SLC39A5: variants seen among roughly 807,000 people sequenced by gnomAD.
SLC39A5 encodes solute carrier family 39 member 5, also known as zinc transporter ZIP5.
In SLC39A5, 42 loss-of-function variants were observed where a neutral mutation model predicts 46.9. That is an observed-to-expected ratio of 0.90 (90% confidence interval 0.70 to 1.16). SLC39A5 has a LOEUF of 1.16. Ranked by LOEUF, SLC39A5 falls within the 50% of genes most tolerant of loss-of-function variation. SLC39A5 has a pLI of 0.00. For synonymous variants in SLC39A5, 311 were observed against 323.1 expected (o/e 0.96, Z 0.40); for missense variants, 677 against 686.8 (o/e 0.99, Z 0.16).
At position 56,235,577 on chromosome 12, in the gene SLC39A5, C is replaced by G. The variant is rs199552441; in HGVS notation, c.822C>G (p.His274Gln). 120 of 1,614,060 alleles carry G rather than the reference C, an allele frequency of 7.4e-5. 1 individual carries two copies. The Middle Eastern group carries it at 9.9e-4, about 13-fold the overall frequency. Residue 274 changes from histidine (H) to glutamine (Q), a missense_variant, in exon 8 of 13, where the codon CAC (histidine) becomes CAG (glutamine). Physicochemically the swap from His to Gln is conservative, Grantham distance 24. Transcript: ENST00000454355. ...TCTGTCAGGCACAAGAAGGGCGGCA[C>G]GCAGGACCTGGCGGACTACCAGAGA... ...HLLPHAQEGR[H>Q]AGPGGLPEKD... is the part of the protein sequence containing the mutation.
At position 56,236,641 on chromosome 12, in the gene SLC39A5, C is replaced by G; in HGVS notation, c.1102C>G (p.Pro368Ala). ...CCAGCACCCACCAGCTCTGGCCCCT[C>G]CTGGGCACCAAGGCCACAGTCATGG... ...NSQHPPALAP[P>A]GHQGHSHGHQ... is the part of the protein sequence containing the mutation. Residue 368 changes from proline to alanine, a missense_variant, in exon 10 of 13, where the codon CCT (proline) becomes GCT (alanine). By Grantham distance (27) the Pro-to-Ala change is conservative (BLOSUM62 -1). Coordinates refer to ENST00000454355, the MANE Select transcript of SLC39A5 (RefSeq NM_173596.3). The G allele has an allele frequency of 6.2e-7, 1 of 1,613,738 alleles. No individual in the cohort carries two copies. Among genetic ancestry groups the G allele is most frequent in the Non-Finnish European group, 8.5e-7 (1 of 1,179,730 alleles).
intron 8 of SLC39A5, chr12:56,235,939 A>G: frequency 5.8e-6 from 3 of 521,016 alleles, no homozygotes; most frequent in Non-Finnish European, 1.0e-5. Flanking sequence ...GCTACTCAGG[A>G]GGCTGAGGCA....
chr12:56,235,899 T>G (rs930691723), intron 8 of SLC39A5, 199 bp downstream of exon 8: 24 of 615,286 alleles, frequency 3.9e-5, no homozygotes, highest in Non-Finnish European at 8.3e-6. Context: ...AAAAATTAGC[T>G]GGGCGTGGTG....
intron 4 of SLC39A5, 50 bp from the exon 5 acceptor site, chr12:56,232,639 G>A (rs1870335161): frequency 5.3e-6 from 8 of 1,519,658 alleles, no homozygotes; most frequent in Non-Finnish European, 8.8e-7. Context: ...TCTCAAAGCG[G>A]GTTGATAGAG....
chr12:56,230,999 T>C (rs1365496398), intron 3 of SLC39A5, 126 bp downstream of exon 3: 1 of 445,724 alleles, frequency 2.2e-6, no homozygotes, highest in East Asian at 3.6e-5. Context: ...GGATGAAGTA[T>C]GAGGAGAGCT....
chr12:56,236,139 C>A (rs1343177634), intron 8 of SLC39A5, among the ~76,000 whole-genome samples: 1 of 152,192 alleles, frequency 6.6e-6, no homozygotes, highest in South Asian at 2.1e-4. Context: ...GTGTGCAGGA[C>A]CTATCGGCTA....
At chr12:56,233,808 AACATCG>A (rs1180672765) in intron 5 of SLC39A5, among the ~76,000 whole-genome samples, 1 of 152,240 alleles carries the variant, frequency 6.6e-6, no homozygotes, top group East Asian at 1.9e-4. Context: ...AGGCTGGATG[AACATCG>A]ACAGGGCTGT....
At chr12:56,231,705 A>T in intron 4 of SLC39A5, 144 bp downstream of exon 4, 2 of 776,522 alleles carry the variant, frequency 2.6e-6, no homozygotes, top group Non-Finnish European at 3.8e-6. Context: ...TCTCTTCAAA[A>T]CCTCTCATGC....
chr12:56,231,268 C>T lies in SLC39A5; in HGVS notation c.-7C>T. On this transcript the variant is annotated 5_prime_UTR_variant, in exon 4 of 13. Coordinates refer to ENST00000454355, the MANE Select transcript of SLC39A5 (RefSeq NM_173596.3). Reference sequence around the variant, plus strand: ...GAACCTGAGCCCCTAAGCTATTCCCCTCACCAATGATGGGGTCCCCAGTGA... The same window carrying T: ...GAACCTGAGCCCCTAAGCTATTCCCTTCACCAATGATGGGGTCCCCAGTGA... 3.8e-6 allele frequency: 6 copies of T among 1,595,332 alleles called. No homozygotes were observed. Among genetic ancestry groups the T allele is most frequent in the Non-Finnish European group, 5.1e-6 (6 of 1,169,760 alleles).
chr12:56,232,955 T>G, intron 5 of SLC39A5, 83 bp downstream of exon 5: 1 of 1,443,590 alleles, frequency 6.9e-7, no homozygotes, highest in Non-Finnish European at 9.4e-7. Flanking sequence ...TTTTTTGTTT[T>G]GTTTTGTTTT....
chr12:56,232,687 A>G lies in SLC39A5; in HGVS notation c.288-2A>G, dbSNP rs1392557894. ...GCTGACTTGCTGTCTCATCCATTCC[A>G]GGCCACAGAACCCTGAGCTGAGTGT... On this transcript the variant is annotated splice_acceptor_variant, in intron 4 of 12. Coordinates refer to ENST00000454355, the MANE Select transcript of SLC39A5 (RefSeq NM_173596.3). LOFTEE classifies it high-confidence loss of function. 2 of 1,593,998 alleles carry G rather than the reference A, an allele frequency of 1.3e-6. No individual in the cohort carries two copies. The highest frequency in any genetic ancestry group is 1.8e-5 in the Admixed American group (1 of 55,446).
At chr12:56,231,093 G>GT in intron 3 of SLC39A5, 111 bp from the exon 4 acceptor site, 1 of 610,298 alleles carries the variant, frequency 1.6e-6, no homozygotes, top group South Asian at 2.3e-5. Context: ...GAAGGCTGCA[G>GT]TAGGGGCTGC....
Position 56,237,756 on chromosome 12 carries a change from T to C in SLC39A5, c.*25T>C. 6.6e-7 allele frequency: 1 copy of C among 1,509,078 alleles called. No homozygotes were observed. Among genetic ancestry groups the C allele is most frequent in the Non-Finnish European group, 8.8e-7 (1 of 1,131,282 alleles). 93.5% of individuals were successfully genotyped at this position (1,509,078 alleles called of 1,614,324 possible). On this transcript the variant is annotated 3_prime_UTR_variant, in exon 13 of 13. Coordinates refer to ENST00000454355, the MANE Select transcript of SLC39A5 (RefSeq NM_173596.3). ...ATGGGGCCAGTGGAAAGGGGTCGGGTTGCCCTTCCTTCCCCCCAACCACAG... is the reference window on the plus strand; with the variant it reads ...ATGGGGCCAGTGGAAAGGGGTCGGGCTGCCCTTCCTTCCCCCCAACCACAG...
At position 56,235,280 on chromosome 12, in the gene SLC39A5, C is replaced by T. The variant is rs151172329; in HGVS notation, c.758C>T (p.Ala253Val). 107 of 1,554,910 alleles carry T rather than the reference C, an allele frequency of 6.9e-5. No individual in the cohort carries two copies. Among genetic ancestry groups the T allele is most frequent in the Middle Eastern group, 5.2e-4 (3 of 5,788 alleles). The part of the protein sequence containing the change: ...RPLLGFLGAL[A>V]VGTLCGDALL... ...TTGCTGGGCTTCCTGGGGGCCCTGG[C>T]GGTGGGCACTCTTTGTGGGGATGCA... Residue 253 changes from alanine to valine, a missense_variant, in exon 7 of 13, where the codon GCG becomes GTG. By Grantham distance (64) the Ala-to-Val change is moderately conservative. Transcript: ENST00000454355.
rs199984452 is a variant in SLC39A5, at chr12:56,236,528, A to G, written c.1042+36A>G. 1.3e-3 allele frequency: 2,082 copies of G among 1,614,204 alleles called. 5 individuals carry two copies. Among genetic ancestry groups the G allele is most frequent in the Non-Finnish European group, 1.6e-3 (1,944 of 1,180,028 alleles). ...GAGAAAATTTGAAGAGTAGGTTCCA[A>G]GCTCACAGTCCTTACTTGCAGCCAC... On this transcript the variant is annotated intron_variant, in intron 9 of 12. Coordinates refer to ENST00000454355, the MANE Select transcript of SLC39A5 (RefSeq NM_173596.3).
rs374727410 is a variant in SLC39A5 at position 56,236,693 on chromosome 12, G to A, written c.1154G>A (p.Trp385Ter). The stretch of plus-strand genomic sequence containing the variant: ...CACCAGGGTGGCACTGATATCACGT[G>A]GATGGTCCTCCTGGGAGATGGTCTA... ...HGHQGGTDIT[W>*]MVLLGDGLHN... The change falls in exon 10 of 13, where the codon TGG becomes TAG. Residue 385 changes from tryptophan (W) to a stop codon, truncating the protein, a stop_gained. Transcript: ENST00000454355. LOFTEE classifies it high-confidence loss of function. The A allele has an allele frequency of 6.2e-7, 1 of 1,612,860 alleles. No individual in the cohort carries two copies. Among genetic ancestry groups the A allele is most frequent in the Non-Finnish European group, 8.5e-7 (1 of 1,179,184 alleles).
intron 4 of SLC39A5, 38 bp downstream of exon 4, chr12:56,231,599 C>T: frequency 6.7e-7 from 1 of 1,501,166 alleles, no homozygotes; most frequent in Non-Finnish European, 8.9e-7. Context: ...GGCCACATCT[C>T]CCAGGTCCTC....
chr12:56,237,192 G>A lies in SLC39A5; in HGVS notation c.1331G>A (p.Arg444Gln), dbSNP rs199870707. The A allele has an allele frequency of 3.0e-5, 49 of 1,613,786 alleles. No homozygotes were observed. In the African/African-American group the frequency reaches 3.9e-4, roughly 13 times the overall value. Residue 444 changes from arginine (R) to glutamine (Q), a missense_variant, in exon 12 of 13, where the codon CGG becomes CAG. Coordinates refer to ENST00000454355, the MANE Select transcript of SLC39A5 (RefSeq NM_173596.3). ...CTCCAGTCAGGGCTGTCCTTTCGGC[G>A]GCTGCTGCTGCTGAGCCTCGTGTCT... ...MLLQSGLSFRRLLLLSLVSGA... is the reference protein window; with the variant it reads ...MLLQSGLSFRQLLLLSLVSGA...
chr12:56,237,022 C>T lies in SLC39A5; in HGVS notation c.1288+11C>T, dbSNP rs1206306928. On this transcript the variant is annotated intron_variant, in intron 11 of 12. Coordinates refer to ENST00000454355, the MANE Select transcript of SLC39A5 (RefSeq NM_173596.3). ...TGCCCCACGAACTGGGTAGGAATGGCAGGAGCAGGGTGGGGTGGACTCCAG... is the reference window on the plus strand; with the variant it reads ...TGCCCCACGAACTGGGTAGGAATGGTAGGAGCAGGGTGGGGTGGACTCCAG... 3 of 1,613,860 alleles carry T rather than the reference C, an allele frequency of 1.9e-6. No homozygotes were observed. Among genetic ancestry groups the T allele is most frequent in the Non-Finnish European group, 2.5e-6 (3 of 1,179,912 alleles).
Sources: allele counts gnomAD v4.1 joint callset (sites outside exome capture counted in the v4.1 genomes callset), GRCh38; gene constraint gnomAD v4.1.1; transcripts MANE v1.5; gene names NCBI Gene and HGNC (gene_info 2026-07-23, HGNC 2026-07-21).